Variants in KLHL1 observed in about 807,000 individuals in gnomAD.
The protein encoded by KLHL1 is kelch like family member 1, also known as kelch-like protein 1.
A neutral mutation model predicts 77.7 loss-of-function variants in KLHL1; 47 were observed. The ratio of observed to expected loss-of-function variants is 0.60; its 90% CI spans 0.48 to 0.77. KLHL1 has a LOEUF of 0.77. Among genes scored for constraint, KLHL1 ranks in the 30% least tolerant of loss-of-function variants. The pLI, the probability that KLHL1 is intolerant of heterozygous loss-of-function variation, is 0.00. For synonymous variants in KLHL1, 360 were observed against 325.2 expected, an observed-to-expected ratio of 1.11 and a Z score of -1.15; for missense variants, 925 against 910.8, an observed-to-expected ratio of 1.02 and a Z score of -0.20.
rs748634068 is a variant in KLHL1 at position 69,707,618 on chromosome 13, A to G, written c.2187+7T>C. On this transcript the variant is annotated splice_region_variant and intron_variant, in intron 10 of 10. Transcript: ENST00000377844. ...CTTGAAGTGAATTATGCTGATGACA[A>G]TCTTACCTGTGTCCACTCATTAGTT... 4.5e-5 allele frequency: 72 copies of G among 1,608,600 alleles called. No individual in the cohort carries two copies. Among genetic ancestry groups the G allele is most frequent in the Non-Finnish European group, 5.4e-5 (63 of 1,176,682 alleles).
At chr13:70,055,941 AAAAC>A (rs1341852901) in intron 1 of KLHL1, among the ~76,000 whole-genome samples, 6 of 152,100 alleles carry the variant, frequency 3.9e-5, no homozygotes, top group African/African-American at 7.2e-5. Context: ...AACAAATAAC[AAAAC>A]AAACTAACAC....
At chr13:69,849,466 G>C (rs1219900369) in intron 5 of KLHL1, among the ~76,000 whole-genome samples, 1 of 151,280 alleles carries the variant, frequency 6.6e-6, no homozygotes, top group East Asian at 2.0e-4. Flanking sequence ...GTATTCTTAA[G>C]CCAAGCACAT....
intron 1 of KLHL1, among the ~76,000 whole-genome samples, chr13:70,084,767 G>A (rs1224042968): frequency 2.7e-5 from 4 of 150,908 alleles, no homozygotes; most frequent in Admixed American, 6.6e-5. Context: ...GAGCCACTGC[G>A]CCGGGCCGTC....
chr13:69,917,635 CAT>C (rs1312370311), intron 4 of KLHL1, among the ~76,000 whole-genome samples: 6 of 152,120 alleles, frequency 3.9e-5, no homozygotes, highest in Non-Finnish European at 8.8e-5. Context: ...CACACAAACA[CAT>C]GAGCATATAC....
At chr13:69,740,583 T>C in intron 7 of KLHL1, 27 bp from the exon 8 acceptor site, 1 of 1,545,488 alleles carries the variant, frequency 6.5e-7, no homozygotes, top group Non-Finnish European at 8.9e-7. Context: ...ATGAATGTAG[T>C]GCCTATAGTT....
At chr13:69,731,631 A>T (rs1873547068) in intron 8 of KLHL1, among the ~76,000 whole-genome samples, 1 of 152,202 alleles carries the variant, frequency 6.6e-6, no homozygotes, top group Non-Finnish European at 1.5e-5. Context: ...ACATTACTGC[A>T]GAATAAAGCT....
At chr13:69,776,488 T>C (rs1875833673) in intron 7 of KLHL1, among the ~76,000 whole-genome samples, 1 of 152,202 alleles carries the variant, frequency 6.6e-6, no homozygotes, top group Non-Finnish European at 1.5e-5. Context: ...GTAAATATTC[T>C]CTTAGGTACC....
At chr13:69,730,785 G>T (rs1873509443) in intron 8 of KLHL1, among the ~76,000 whole-genome samples, 1 of 151,940 alleles carries the variant, frequency 6.6e-6, no homozygotes, top group Non-Finnish European at 1.5e-5. Context: ...TCACTACGTT[G>T]CCCAGGCTGG....
In KLHL1 at chr13:69,969,390, C is replaced by T. The variant is rs144049553; in HGVS notation, c.680+6230G>A. Reference sequence around the variant, plus strand: ...ACAAAATGATTAAGACACAGTTATCCTCAAATATTTATTACATACCAATTA... The same window carrying T: ...ACAAAATGATTAAGACACAGTTATCTTCAAATATTTATTACATACCAATTA... On this transcript the variant is annotated intron_variant, in intron 2 of 10. Coordinates refer to ENST00000377844, the MANE Select transcript of KLHL1 (RefSeq NM_020866.3). Among the ~76,000 whole-genome samples, 344 of 151,976 alleles carry T rather than the reference C, an allele frequency of 2.3e-3. 5 individuals carry two copies. The highest frequency in any genetic ancestry group is 7.9e-3 in the African/African-American group (326 of 41,478).
intron 1 of KLHL1, among the ~76,000 whole-genome samples, chr13:70,080,658 G>A (rs530660736): frequency 7.9e-5 from 12 of 152,132 alleles, no homozygotes; most frequent in Admixed American, 2.0e-4. Context: ...GTGCAGTGTC[G>A]TGATCTTGGC....
chr13:69,935,996 T>C (rs868557719), intron 4 of KLHL1, among the ~76,000 whole-genome samples: 5 of 151,620 alleles, frequency 3.3e-5, no homozygotes, highest in Middle Eastern at 3.4e-3. Context: ...TAATTAATTG[T>C]ATAAGAAAGT....
intron 7 of KLHL1, among the ~76,000 whole-genome samples, chr13:69,787,137 T>A (rs1313777060): frequency 1.3e-5 from 2 of 152,190 alleles, no homozygotes; most frequent in Non-Finnish European, 2.9e-5. Context: ...AGTGACTTTC[T>A]TCACAGAATT....
chr13:70,086,228 T>C (rs1336162320), intron 1 of KLHL1, among the ~76,000 whole-genome samples: 2 of 151,666 alleles, frequency 1.3e-5, no homozygotes, highest in African/African-American at 4.8e-5. Flanking sequence ...GTGAGAGAGA[T>C]GTTCTGAAGT....
At chr13:69,866,017 T>C (rs1566342860) in intron 5 of KLHL1, among the ~76,000 whole-genome samples, 1 of 152,170 alleles carries the variant, frequency 6.6e-6, no homozygotes, top group African/African-American at 2.4e-5. Flanking sequence ...TTTATTTTTA[T>C]AATAGATGAA....
chr13:69,771,855 G>A (rs1875584613), intron 7 of KLHL1, among the ~76,000 whole-genome samples: 2 of 152,174 alleles, frequency 1.3e-5, no homozygotes, highest in Non-Finnish European at 2.9e-5. Context: ...GAATCAAAAT[G>A]TGGAGACATG....
At chr13:70,034,537 G>A (rs1274919522) in intron 1 of KLHL1, among the ~76,000 whole-genome samples, 5 of 152,182 alleles carry the variant, frequency 3.3e-5, no homozygotes, top group African/African-American at 1.2e-4. Flanking sequence ...TGCATCACTG[G>A]CTGTATCAGA....
At chr13:69,983,535 G>A (rs1356484180) in intron 1 of KLHL1, among the ~76,000 whole-genome samples, 2 of 132,518 alleles carry the variant, frequency 1.5e-5, no homozygotes, top group African/African-American at 2.9e-5. Flanking sequence ...GAAGCCATGA[G>A]TTTGAGACCA....
intron 1 of KLHL1, among the ~76,000 whole-genome samples, chr13:70,090,031 T>A (rs9572362): frequency 0.22 from 33,310 of 152,032 alleles, 3,862 homozygotes; most frequent in Admixed American, 0.29. Context: ...TAATCAATAG[T>A]ATTGATAATA....
At chr13:69,704,970 T>C (rs930531449) in intron 10 of KLHL1, among the ~76,000 whole-genome samples, 7 of 3,964 alleles carry the variant, frequency 1.8e-3, no homozygotes, top group African/African-American at 1.9e-3. Context: ...TACACTTAGT[T>C]GCACAATAGT....
Sources: allele counts gnomAD v4.1 joint callset (sites outside exome capture counted in the v4.1 genomes callset), GRCh38; gene constraint gnomAD v4.1.1; transcripts MANE v1.5; gene names NCBI Gene and HGNC (gene_info 2026-07-23, HGNC 2026-07-21).